Variants in ASAP3 observed in about 807,000 individuals in gnomAD.
ASAP3 encodes the protein arf-GAP with SH3 domain, ANK repeat and PH domain-containing protein 3.
Under a neutral mutation model 118.2 loss-of-function variants are expected in ASAP3, and 85 were observed. The observed-to-expected ratio is 0.72, with a 90% confidence interval of 0.60 to 0.86. The LOEUF (loss-of-function observed/expected upper bound fraction) is 0.86. Ranked by LOEUF, ASAP3 falls within the 40% of genes least tolerant of loss-of-function variation. The pLI is 0.00. For missense variants in ASAP3, 1,026 were observed against 1,175.0 expected (o/e 0.87, Z 1.85); for synonymous variants, 432 against 477.4 (o/e 0.90, Z 1.24).
In ASAP3 at chr1:23,434,330, A is replaced by G. The variant is rs1221326916; in HGVS notation, c.1875T>C (p.Ala625=). The change falls in exon 19 of 25, where the codon GCT becomes GCC. Residue 625 remains alanine, a synonymous_variant. Coordinates refer to ENST00000336689, the MANE Select transcript of ASAP3 (RefSeq NM_017707.4). Reference sequence around the variant, plus strand: ...GGTTGTAGAGTGCTGCGTAGTGCAGAGCCGTGTTCCCGTCAGCAGCCTTGG... The same window carrying G: ...GGTTGTAGAGTGCTGCGTAGTGCAGGGCCGTGTTCCCGTCAGCAGCCTTGG... ...LDAKAADGNT[A]LHYAALYNQP... The G allele has an allele frequency of 6.2e-7, 1 of 1,614,088 alleles. No individual in the cohort carries two copies. The highest frequency in any genetic ancestry group is 8.5e-7 in the Non-Finnish European group (1 of 1,180,050).
At chr1:23,474,536 C>T (rs1049651594) in intron 1 of ASAP3, among the ~76,000 whole-genome samples, 18 of 152,072 alleles carry the variant, frequency 1.2e-4, no homozygotes, top group Admixed American at 5.2e-4. Context: ...GGGCCTTCTT[C>T]GTTCCTCTCT....
At chr1:23,444,708 A>G (rs769202307) in intron 5 of ASAP3, among the ~76,000 whole-genome samples, 5 of 152,188 alleles carry the variant, frequency 3.3e-5, no homozygotes, top group Non-Finnish European at 7.3e-5. Flanking sequence ...TTCTGACTCT[A>G]AAGTTCTGGG....
At chr1:23,458,308 T>C (rs982672625) in intron 1 of ASAP3, among the ~76,000 whole-genome samples, 1 of 152,006 alleles carries the variant, frequency 6.6e-6, no homozygotes, top group Non-Finnish European at 1.5e-5. Flanking sequence ...TAGTGAGACC[T>C]TGTCTCTACC....
chr1:23,435,834 C>G lies in ASAP3; in HGVS notation c.1749+17G>C, dbSNP rs751904452. 1.2e-6 allele frequency: 2 copies of G among 1,614,112 alleles called. No homozygotes were observed. The highest frequency in any genetic ancestry group is 2.7e-5 in the African/African-American group (2 of 74,948). On this transcript the variant is annotated intron_variant, in intron 17 of 24. Coordinates refer to ENST00000336689, the MANE Select transcript of ASAP3 (RefSeq NM_017707.4). ...TTAGACAGGTGGGTTATAAGTGGCC[C>G]TTGGAGGGGTTCTCACCTGTGCATC...
chr1:23,468,520 C>T lies in ASAP3; in HGVS notation c.130-12326G>A, dbSNP rs976999443. Among the ~76,000 whole-genome samples, 12 of 152,204 alleles carry T rather than the reference C, an allele frequency of 7.9e-5. No individual in the cohort carries two copies. The Middle Eastern group carries it at 0.01, about 129-fold the overall frequency. Reference sequence around the variant, plus strand: ...TGAATCCTGGCTCTTTGGTCTCTGACGCCAGTGTCCACAAAGATGATTAAA... The same window carrying T: ...TGAATCCTGGCTCTTTGGTCTCTGATGCCAGTGTCCACAAAGATGATTAAA... On this transcript the variant is annotated intron_variant, in intron 1 of 24. Transcript: ENST00000336689.
At chr1:23,480,057 G>A (rs1206827171) in intron 1 of ASAP3, 2 of 152,110 alleles carry the variant, frequency 1.3e-5, no homozygotes, top group African/African-American at 4.8e-5. Flanking sequence ...AGCTACTCAG[G>A]AGGCTGAGGT....
Position 23,451,514 on chromosome 1 carries a change from C to T in ASAP3, c.438G>A (p.Gln146=). ...LRDGRQDSKK[Q]LEKAWKDYEA... ...CATAGTCCTTCCATGCCTTCTCCAG[C>T]TGTTTTTTGGAATCCTGTGGGTTAA... is the stretch of plus-strand genomic sequence containing the variant. Residue 146 remains glutamine, a synonymous_variant, in exon 5 of 25, where the codon CAG becomes CAA. Coordinates refer to ENST00000336689, the MANE Select transcript of ASAP3 (RefSeq NM_017707.4). 6.2e-7 allele frequency: 1 copy of T among 1,614,232 alleles called. No individual in the cohort carries two copies.
chr1:23,433,783 T>C, intron 19 of ASAP3, 90 bp from the exon 20 acceptor site: 1 of 1,534,300 alleles, frequency 6.5e-7, no homozygotes, highest in Non-Finnish European at 8.9e-7. Flanking sequence ...TCAGAATGTA[T>C]GGGTTTGAAT....
chr1:23,484,213 G>C, upstream of ASAP3: 1 of 1,196,034 alleles, frequency 8.4e-7, no homozygotes, highest in Non-Finnish European at 1.0e-6. Flanking sequence ...CTCACCGCCG[G>C]CCGGGGGCGC....
Position 23,452,789 on chromosome 1 carries a change from G to GC in ASAP3, c.349-19dup. ...TTCTGAATCTGGAAAAAACAGAGAC[G>GC]CTCATTCCCGCCTCAGGTGACCGGC... On this transcript the variant is annotated intron_variant, in intron 3 of 24. Transcript: ENST00000336689. 6.2e-7 allele frequency: 1 copy of GC among 1,612,868 alleles called. No homozygotes were observed. The highest frequency in any genetic ancestry group is 8.5e-7 in the Non-Finnish European group (1 of 1,179,108).
rs771643051 is a variant in ASAP3, at chr1:23,434,314, G to A, written c.1891C>T (p.Leu631Phe). 2 of 1,614,228 alleles carry A rather than the reference G, an allele frequency of 1.2e-6. No individual in the cohort carries two copies. Among genetic ancestry groups the A allele is most frequent in the South Asian group, 2.2e-5 (2 of 91,084 alleles). Residue 631 changes from leucine (L) to phenylalanine (F), a missense_variant, in exon 19 of 25, where the codon CTC becomes TTC. By Grantham distance (22) the Leu-to-Phe change is conservative. Transcript: ENST00000336689. ...TTGAGGCAGTCGGGCTGGTTGTAGA[G>A]TGCTGCGTAGTGCAGAGCCGTGTTC... ...DGNTALHYAA[L>F]YNQPDCLKLL...
chr1:23,475,987 C>A (rs900035874), intron 1 of ASAP3, among the ~76,000 whole-genome samples: 5 of 151,568 alleles, frequency 3.3e-5, no homozygotes, highest in Non-Finnish European at 7.4e-5. Context: ...AAATAGAATT[C>A]TTGATTTCTC....
At position 23,437,055 on chromosome 1, in the gene ASAP3, A is replaced by G; in HGVS notation, c.1343-11T>C. 6.2e-7 allele frequency: 1 copy of G among 1,608,144 alleles called. No individual in the cohort carries two copies. Among genetic ancestry groups the G allele is most frequent in the Non-Finnish European group, 8.5e-7 (1 of 1,177,574 alleles). ...TGAGCCACGTGGGGTCTGCAGAGGAAAGCAGCTGGAGCCTGGAGGTGCAGC... is the reference window on the plus strand; with the variant it reads ...TGAGCCACGTGGGGTCTGCAGAGGAGAGCAGCTGGAGCCTGGAGGTGCAGC... On this transcript the variant is annotated splice_polypyrimidine_tract_variant and intron_variant, in intron 14 of 24. Transcript: ENST00000336689. This position sits in a 1 kb window ranked among gnomAD's most constrained non-coding sequence, Gnocchi z 6.1.
In ASAP3 at chr1:23,433,200, CAT is replaced by C; in HGVS notation, c.2198_2199del (p.Tyr733Ter). ...GCTGCTCCCAGGCTGGCGACAGTCT[CAT>C]AGGTCTTGTTGCTGATGTCCAGCCT... ...SGRLDISNKT[Y>X]ETVASLGAAT... On this transcript the variant is annotated frameshift_variant, in exon 22 of 25. Coordinates refer to ENST00000336689, the MANE Select transcript of ASAP3 (RefSeq NM_017707.4). LOFTEE classifies it high-confidence loss of function. 5 of 1,614,146 alleles carry C rather than the reference CAT, an allele frequency of 3.1e-6. No individual in the cohort carries two copies. The highest frequency in any genetic ancestry group is 4.2e-6 in the Non-Finnish European group (5 of 1,180,002).
chr1:23,483,109 G>T (rs1270225649), intron 1 of ASAP3, among the ~76,000 whole-genome samples: 1 of 152,170 alleles, frequency 6.6e-6, no homozygotes, highest in Non-Finnish European at 1.5e-5. Context: ...CTGGCGCAGG[G>T]TGTTATGAAC....
intron 1 of ASAP3, among the ~76,000 whole-genome samples, chr1:23,469,614 C>T (rs2148656127): frequency 6.6e-6 from 1 of 152,308 alleles, no homozygotes; most frequent in East Asian, 1.9e-4. Flanking sequence ...GACTCCCATT[C>T]CAAGCTCCCA....
rs776979092 is a variant in ASAP3 at position 23,441,082 on chromosome 1, G to A, written c.944+20C>T. 1.2e-6 allele frequency: 2 copies of A among 1,610,762 alleles called. No homozygotes were observed. Among genetic ancestry groups the A allele is most frequent in the East Asian group, 2.2e-5 (1 of 44,862 alleles). ...TGCAGTGTGACATTGGGCAAATTAT[G>A]TAAGCTCTGAATCACTTACCCGTCA... On this transcript the variant is annotated intron_variant, in intron 10 of 24. Coordinates refer to ENST00000336689, the MANE Select transcript of ASAP3 (RefSeq NM_017707.4).
chr1:23,470,814 G>A (rs190774089), intron 1 of ASAP3, among the ~76,000 whole-genome samples: 4 of 152,354 alleles, frequency 2.6e-5, no homozygotes, highest in African/African-American at 9.6e-5. Context: ...GGGAGGAAGA[G>A]GGGTTGCAAG....
In ASAP3 at chr1:23,439,083, G is replaced by A. The variant is rs1388206590; in HGVS notation, c.1014+78C>T. On this transcript the variant is annotated intron_variant, in intron 11 of 24. Coordinates refer to ENST00000336689, the MANE Select transcript of ASAP3 (RefSeq NM_017707.4). ...TTTGGGGGCCAGTCTTAGAGGGAGG[G>A]CTTGACATTATTTGCTCAGAACACC... 4 of 1,551,184 alleles carry A rather than the reference G, an allele frequency of 2.6e-6. No individual in the cohort carries two copies. In the African/African-American group the frequency reaches 5.4e-5, roughly 21 times the overall value.
Sources: gnomAD v4.1 joint callset for allele counts (sites outside exome capture counted in the v4.1 genomes callset) on GRCh38, gnomAD v4.1.1 for gene constraint, Gnocchi (gnomAD v3.1) non-coding constraint, MANE v1.5 for transcripts, NCBI Gene and HGNC (gene_info 2026-07-23, HGNC 2026-07-21) for gene names.